Variants in GATAD2A observed in about 807,000 individuals in gnomAD.
GATAD2A encodes transcriptional repressor p66-alpha.
In GATAD2A, 12 loss-of-function variants were observed where a neutral mutation model predicts 68.5. The observed-to-expected ratio is 0.18, with a 90% CI of 0.11 to 0.28. The LOEUF (loss-of-function observed/expected upper bound fraction) is 0.28, where lower values mean the gene tolerates loss of function less well. Among genes scored for constraint, GATAD2A ranks in the 10% least tolerant of loss-of-function variants. GATAD2A has a pLI of 1.00. For synonymous variants in GATAD2A, 410 were observed against 375.3 expected (o/e 1.09, Z -1.07); for missense variants, 755 against 868.5 (o/e 0.87, Z 1.64).
At chr19:19,401,288 A>T (rs943250790), upstream of GATAD2A, among the ~76,000 whole-genome samples, 1 of 131,418 alleles carries the variant, frequency 7.6e-6, no homozygotes, top group Non-Finnish European at 1.5e-5. Context: ...TTCTTGGCTC[A>T]CTGCAAGCTC....
chr19:19,453,137 G>A (rs2056562561), intron 1 of GATAD2A, among the ~76,000 whole-genome samples: 1 of 152,206 alleles, frequency 6.6e-6, no homozygotes. Context: ...CCTCCTCAGC[G>A]AGGCTTCTCC....
At chr19:19,387,874 C>T (rs1258805245) in intron 1 of GATAD2A, among the ~76,000 whole-genome samples, 1 of 152,054 alleles carries the variant, frequency 6.6e-6, no homozygotes, top group Non-Finnish European at 1.5e-5. Context: ...GTGTGTCTCC[C>T]CTTTTCCAAG....
intron 1 of GATAD2A, among the ~76,000 whole-genome samples, chr19:19,432,158 A>G (rs745553710): frequency 1.1e-4 from 16 of 151,976 alleles, no homozygotes; most frequent in Admixed American, 2.0e-4. Flanking sequence ...TATTTTTAAT[A>G]GGGACAGGGT....
intron 8 of GATAD2A, among the ~76,000 whole-genome samples, chr19:19,499,063 TTG>T (rs1203454518): frequency 6.6e-6 from 1 of 151,770 alleles, no homozygotes; most frequent in Non-Finnish European, 1.5e-5. Context: ...CAATGTGGAG[TTG>T]TGACACACAG....
chr19:19,492,214 G>A, intron 2 of GATAD2A, 92 bp from the exon 3 acceptor site: 2 of 1,301,076 alleles, frequency 1.5e-6, no homozygotes, highest in South Asian at 1.4e-5. Context: ...GAACAGACGG[G>A]GAGGTCTCAG....
chr19:19,495,821 C>T lies in GATAD2A; in HGVS notation c.692C>T (p.Ser231Phe). 6.2e-7 allele frequency: 1 copy of T among 1,613,716 alleles called. No homozygotes were observed. Among genetic ancestry groups the T allele is most frequent in the Non-Finnish European group, 8.5e-7 (1 of 1,179,880 alleles). ...CTGGTCCGAGGTGGGCAGCAGGCGT[C>T]CTCGAAGCTGGGGCCACAGGCGAGC... is the stretch of plus-strand genomic sequence containing the variant. ...PPLVRGGQQA[S>F]SKLGPQASSQ... Residue 231 changes from serine to phenylalanine, a missense_variant, in exon 6 of 12, where the codon TCC (serine) becomes TTC (phenylalanine). Ser to Phe is a radical substitution (Grantham distance 155). Coordinates refer to ENST00000683918, the MANE Select transcript of GATAD2A (RefSeq NM_001384528.1).
At position 19,457,740 on chromosome 19, in the gene GATAD2A, C is replaced by CA. The variant is rs563484205; in HGVS notation, c.-6-7585dup. On this transcript the variant is annotated intron_variant, in intron 1 of 11. Coordinates refer to ENST00000683918, the MANE Select transcript of GATAD2A (RefSeq NM_001384528.1). ...TGGGCAACAGACTGAGACTGTGTCT[C>CA]AAAAAAAAAAAAAAAGATTAACAAA... Among the ~76,000 whole-genome samples, 712 of 106,346 alleles carry CA rather than the reference C, an allele frequency of 6.7e-3. 5 individuals are homozygous for CA. Among genetic ancestry groups the CA allele is most frequent in the South Asian group, 0.052 (180 of 3,440 alleles). The allele number at this position is 106,346 out of a possible 152,430, so 69.8% of individuals were successfully genotyped here. A position where few individuals can be genotyped will look rare whatever the true frequency, so the allele number is the denominator to read the frequency against.
At chr19:19,491,621 G>A (rs1046772478) in intron 2 of GATAD2A, among the ~76,000 whole-genome samples, 2 of 152,212 alleles carry the variant, frequency 1.3e-5, no homozygotes, top group African/African-American at 2.4e-5. Context: ...GAGAGAACTT[G>A]TGTCCTAGTC....
chr19:19,439,498 G>C (rs189564442), intron 1 of GATAD2A, among the ~76,000 whole-genome samples: 30 of 152,158 alleles, frequency 2.0e-4, no homozygotes, highest in Middle Eastern at 3.4e-3. Flanking sequence ...AGGTAGTGCC[G>C]TGGTAGTTGC....
At chr19:19,469,130 T>A (rs780450063) in intron 2 of GATAD2A, among the ~76,000 whole-genome samples, 2 of 152,164 alleles carry the variant, frequency 1.3e-5, no homozygotes, top group African/African-American at 4.8e-5. Flanking sequence ...CTTTAAAATA[T>A]AGTTTTTTAA....
rs767277394 is a variant in GATAD2A at position 19,496,119 on chromosome 19, C to T, written c.824C>T (p.Ser275Leu). ...CCCCTCCTCCTGGCCCCCCGGGCGT[C>T]GGTGCCCAGTGTGCAGATTCAGGGA... ...PPPLLLAPRA[S>L]VPSVQIQGQR... The change falls in exon 7 of 12, where the codon TCG (serine) becomes TTG (leucine). Residue 275 changes from serine (S) to leucine (L), a missense_variant. Physicochemically the swap from Ser to Leu is moderately radical, Grantham distance 145. Transcript: ENST00000683918. 1.2e-4 allele frequency: 197 copies of T among 1,613,374 alleles called. No homozygotes were observed. Among genetic ancestry groups the T allele is most frequent in the Non-Finnish European group, 1.6e-4 (190 of 1,179,750 alleles).
intron 1 of GATAD2A, among the ~76,000 whole-genome samples, chr19:19,386,759 A>G (rs984933954): frequency 4.0e-5 from 6 of 151,854 alleles, no homozygotes; most frequent in Admixed American, 1.3e-4. Flanking sequence ...CGCCTCTCTG[A>G]GGACCCCTGC....
upstream of GATAD2A, among the ~76,000 whole-genome samples, chr19:19,403,552 C>A (rs537340254): frequency 6.6e-6 from 1 of 151,786 alleles, no homozygotes; most frequent in South Asian, 2.1e-4. Flanking sequence ...GCAGTTGATG[C>A]CTCCCTCTTA....
chr19:19,501,104 C>A lies in GATAD2A; in HGVS notation c.1205-14C>A, dbSNP rs2060494952. On this transcript the variant is annotated splice_polypyrimidine_tract_variant and intron_variant, in intron 8 of 11. Transcript: ENST00000683918. The stretch of plus-strand genomic sequence containing the variant: ...CTGGCCCTCTGACGTGAGCCATGTG[C>A]TGTCTGCTTGCAGCAGGCAGGATGT... 1 of 1,604,290 alleles carries A rather than the reference C, an allele frequency of 6.2e-7. No individual in the cohort carries two copies. Among genetic ancestry groups the A allele is most frequent in the Non-Finnish European group, 8.5e-7 (1 of 1,173,358 alleles).
intron 1 of GATAD2A, among the ~76,000 whole-genome samples, chr19:19,393,098 A>C (rs1166953923): frequency 6.6e-6 from 1 of 151,846 alleles, no homozygotes; most frequent in Non-Finnish European, 1.5e-5. Flanking sequence ...TGAGATCAGG[A>C]GTTTGAGACC....
At chr19:19,490,143 C>T (rs1036992484) in intron 2 of GATAD2A, among the ~76,000 whole-genome samples, 1 of 152,152 alleles carries the variant, frequency 6.6e-6, no homozygotes, top group Non-Finnish European at 1.5e-5. Flanking sequence ...ACTTCGAAAT[C>T]GTACCTTTCT....
chr19:19,448,541 T>C (rs1043786250), intron 1 of GATAD2A, among the ~76,000 whole-genome samples: 12 of 152,204 alleles, frequency 7.9e-5, no homozygotes, highest in Non-Finnish European at 1.5e-4. Flanking sequence ...CAGGCTGGAG[T>C]GCAGTGGCAC....
intron 1 of GATAD2A, chr19:19,440,514 T>A: frequency 4.7e-6 from 1 of 212,142 alleles, no homozygotes; most frequent in Non-Finnish European, 9.8e-6. Flanking sequence ...CACCTTGGCC[T>A]CCCAAAGTGC....
intron 1 of GATAD2A, among the ~76,000 whole-genome samples, chr19:19,406,250 G>GGGGCA (rs2050228663): frequency 6.6e-6 from 1 of 151,878 alleles, no homozygotes; most frequent in South Asian, 2.1e-4. Flanking sequence ...GGGGCCGGGC[G>GGGGCA]GGGGTCCCGG....
Sources: gnomAD v4.1 joint callset for allele counts (sites outside exome capture counted in the v4.1 genomes callset) on GRCh38, gnomAD v4.1.1 for gene constraint, MANE v1.5 for transcripts, NCBI Gene and HGNC (gene_info 2026-07-23, HGNC 2026-07-21) for gene names.